The following SPAG16 variants were observed in gnomAD, a reference collection of about 807,000 sequenced individuals.
The protein encoded by SPAG16 is sperm associated antigen 16.
A neutral mutation model predicts 80.4 loss-of-function variants in SPAG16; 86 were observed. The observed-to-expected ratio is 1.07, with a 90% CI of 0.90 to 1.28. SPAG16 has a LOEUF of 1.28. Among genes scored for constraint, SPAG16 ranks in the 50% most tolerant of loss-of-function variants. The pLI is 0.00. For missense variants in SPAG16, 870 were observed against 765.3 expected, an observed-to-expected ratio of 1.14 and a Z score of -1.61; for synonymous variants, 294 against 265.9, an observed-to-expected ratio of 1.11 and a Z score of -1.03.
intron 10 of SPAG16, among the ~76,000 whole-genome samples, chr2:213,741,058 C>T (rs750304497): frequency 2.6e-5 from 4 of 151,928 alleles, no homozygotes; most frequent in Non-Finnish European, 4.4e-5. Context: ...ATTAATTTAA[C>T]GCCTCATAAC....
chr2:213,363,038 A>T (rs1559455973), intron 7 of SPAG16, among the ~76,000 whole-genome samples: 2 of 119,008 alleles, frequency 1.7e-5, no homozygotes, highest in East Asian at 7.0e-4. Flanking sequence ...TTGTAAGGTG[A>T]TATTCTGGAT....
intron 13 of SPAG16, among the ~76,000 whole-genome samples, chr2:214,046,344 C>T (rs2049326378): frequency 6.6e-6 from 1 of 152,120 alleles, no homozygotes; most frequent in Non-Finnish European, 1.5e-5. Context: ...CTTCCAAACT[C>T]ATTCTGTGAG....
chr2:213,645,924 C>G (rs2062805737), intron 10 of SPAG16, among the ~76,000 whole-genome samples: 1 of 152,234 alleles, frequency 6.6e-6, no homozygotes, highest in South Asian at 2.1e-4. Context: ...CACTCAAGTT[C>G]TGATGGCTGT....
At chr2:213,872,579 G>GT (rs1252963217) in intron 11 of SPAG16, among the ~76,000 whole-genome samples, 1 of 151,984 alleles carries the variant, frequency 6.6e-6, no homozygotes, top group African/African-American at 2.4e-5. Flanking sequence ...ACCTTTGATT[G>GT]TTTTTTTGTT....
At chr2:213,407,036 A>C (rs969433982) in intron 9 of SPAG16, among the ~76,000 whole-genome samples, 10 of 151,850 alleles carry the variant, frequency 6.6e-5, no homozygotes, top group African/African-American at 2.4e-4. Context: ...AGACCAAGGA[A>C]GGAGAAGCCG....
intron 7 of SPAG16, among the ~76,000 whole-genome samples, chr2:213,362,104 A>G (rs953711124): frequency 6.6e-6 from 1 of 152,178 alleles, no homozygotes; most frequent in Admixed American, 6.5e-5. Context: ...AGGAGGAGGT[A>G]AAACTTAAAG....
At chr2:213,945,604 G>T (rs2079417059) in intron 12 of SPAG16, among the ~76,000 whole-genome samples, 1 of 152,000 alleles carries the variant, frequency 6.6e-6, no homozygotes, top group Non-Finnish European at 1.5e-5. Context: ...TTAAGGGTGG[G>T]TCTGCCTTCC....
At chr2:213,382,340 C>T (rs1025263895) in intron 9 of SPAG16, among the ~76,000 whole-genome samples, 1 of 152,192 alleles carries the variant, frequency 6.6e-6, no homozygotes, top group Admixed American at 6.5e-5. Context: ...TCCTCAGTAT[C>T]TGTCAGAGCT....
At chr2:214,206,482 A>T (rs2058148313) in intron 15 of SPAG16, among the ~76,000 whole-genome samples, 1 of 152,224 alleles carries the variant, frequency 6.6e-6, no homozygotes, top group African/African-American at 2.4e-5. Flanking sequence ...GGTGAATAAT[A>T]TTCCATTGTG....
At chr2:214,207,103 C>T (rs963836730) in intron 15 of SPAG16, among the ~76,000 whole-genome samples, 4 of 152,126 alleles carry the variant, frequency 2.6e-5, no homozygotes, top group Non-Finnish European at 5.9e-5. Flanking sequence ...CATTCTGCTT[C>T]TTGGACCTAT....
At chr2:213,546,234 T>G (rs1375595339) in intron 10 of SPAG16, among the ~76,000 whole-genome samples, 2 of 152,262 alleles carry the variant, frequency 1.3e-5, no homozygotes, top group East Asian at 3.9e-4. Context: ...TTAGGCTTGC[T>G]CTCTTCTGTT....
intron 5 of SPAG16, among the ~76,000 whole-genome samples, chr2:213,327,261 T>C (rs1415479415): frequency 6.6e-6 from 1 of 152,066 alleles, no homozygotes; most frequent in Non-Finnish European, 1.5e-5. Context: ...TTAAACTTTA[T>C]TCTTTAGTAC....
chr2:213,754,433 TTATAA>T (rs1248856706), intron 10 of SPAG16, among the ~76,000 whole-genome samples: 4 of 152,304 alleles, frequency 2.6e-5, no homozygotes, highest in Admixed American at 2.6e-4. Flanking sequence ...TAGTTGAGTG[TTATAA>T]TAAAATATAA....
chr2:213,367,271 C>T (rs866206604), intron 8 of SPAG16, among the ~76,000 whole-genome samples: 1 of 151,298 alleles, frequency 6.6e-6, no homozygotes, highest in South Asian at 2.1e-4. Context: ...GTCTTTACAG[C>T]AGCATGATTT....
At chr2:213,836,545 T>C (rs2074094180) in intron 10 of SPAG16, among the ~76,000 whole-genome samples, 1 of 152,174 alleles carries the variant, frequency 6.6e-6, no homozygotes, top group African/African-American at 2.4e-5. Flanking sequence ...TATAAAATTT[T>C]TCTTTGCCTT....
At chr2:214,105,081 C>A (rs2053311372) in intron 13 of SPAG16, among the ~76,000 whole-genome samples, 1 of 152,094 alleles carries the variant, frequency 6.6e-6, no homozygotes, top group Non-Finnish European at 1.5e-5. Flanking sequence ...ACAGGCGCTT[C>A]CCTCTGGCTG....
At chr2:214,355,771 C>G (rs1698746498) in intron 15 of SPAG16, among the ~76,000 whole-genome samples, 1 of 151,860 alleles carries the variant, frequency 6.6e-6, no homozygotes, top group African/African-American at 2.4e-5. Flanking sequence ...TTGGAACTAA[C>G]CCAAATGTCC....
intron 10 of SPAG16, among the ~76,000 whole-genome samples, chr2:213,791,447 A>T (rs1300540814): frequency 6.6e-6 from 1 of 152,118 alleles, no homozygotes; most frequent in African/African-American, 2.4e-5. Flanking sequence ...GGTACATCAG[A>T]TTCAACTCCT....
chr2:214,153,976 A>G (rs2056099267), intron 15 of SPAG16, among the ~76,000 whole-genome samples: 1 of 152,172 alleles, frequency 6.6e-6, no homozygotes, highest in Non-Finnish European at 1.5e-5. Context: ...ATATATTTAT[A>G]TCCCAAGTAT....
Sources: gnomAD v4.1 joint callset for allele counts (sites outside exome capture counted in the v4.1 genomes callset) on GRCh38, gnomAD v4.1.1 for gene constraint, MANE v1.5 for transcripts, NCBI Gene and HGNC (gene_info 2026-07-23, HGNC 2026-07-21) for gene names.